USP31: variants seen among roughly 807,000 people sequenced by gnomAD.
USP31 encodes the protein ubiquitin carboxyl-terminal hydrolase 31.
In USP31, 44 loss-of-function variants were observed where a neutral mutation model predicts 119.4. That is an observed-to-expected ratio of 0.37 (90% CI 0.29 to 0.47). The LOEUF is 0.47. Among genes scored for constraint, USP31 ranks in the 20% least tolerant of loss-of-function variants. The pLI is 0.99. For synonymous variants in USP31, 749 were observed against 705.6 expected, an observed-to-expected ratio of 1.06 and a Z score of -0.97; for missense variants, 1,643 against 1,730.2, an observed-to-expected ratio of 0.95 and a Z score of 0.89.
intron 1 of USP31, among the ~76,000 whole-genome samples, chr16:23,130,822 C>T (rs1903007441): frequency 6.6e-6 from 1 of 152,198 alleles, no homozygotes; most frequent in Non-Finnish European, 1.5e-5. Flanking sequence ...ACATTTTTGG[C>T]AGATACATCA....
intron 1 of USP31, among the ~76,000 whole-genome samples, chr16:23,133,882 C>T (rs892071395): frequency 1.3e-5 from 2 of 152,110 alleles, no homozygotes; most frequent in Admixed American, 6.5e-5. Context: ...TCAAGGCCAG[C>T]CTGGGCAACA....
intron 5 of USP31, 27 bp from the exon 6 acceptor site, chr16:23,102,490 T>G (rs754916513): frequency 6.3e-7 from 1 of 1,592,696 alleles, no homozygotes; most frequent in Non-Finnish European, 8.5e-7. Context: ...TGTAAACAGG[T>G]GGGTAACTGG....
Position 23,080,015 on chromosome 16 carries a change from C to G in USP31, c.2107G>C (p.Glu703Gln). The change falls in exon 13 of 16, where the codon GAG becomes CAG. Residue 703 changes from glutamate to glutamine, a missense_variant. By Grantham distance (29) the Glu-to-Gln change is conservative (BLOSUM62 2). Coordinates refer to ENST00000219689, the MANE Select transcript of USP31 (RefSeq NM_020718.4). Reference protein sequence around the residue: ...RRPYGLGRDPEDYIYDLYAVC... With the variant: ...RRPYGLGRDPQDYIYDLYAVC... Reference sequence around the variant, plus strand: ...GCATACAGGTCATAGATGTAGTCCTCAGGGTCCCTCCCGAGTCCATAGGGC... The same window carrying G: ...GCATACAGGTCATAGATGTAGTCCTGAGGGTCCCTCCCGAGTCCATAGGGC... 1 of 1,614,116 alleles carries G rather than the reference C, an allele frequency of 6.2e-7. No homozygotes were observed. The highest frequency in any genetic ancestry group is 8.5e-7 in the Non-Finnish European group (1 of 1,180,024).
Position 23,067,815 on chromosome 16 carries a change from T to C in USP31, c.*231A>G. On this transcript the variant is annotated 3_prime_UTR_variant, in exon 16 of 16. Transcript: ENST00000219689. Reference sequence around the variant, plus strand: ...TCTACAATTATTCCAGTTAGCTTGGTGTCAATGTTTTGCCTATGGCTGTTA... The same window carrying C: ...TCTACAATTATTCCAGTTAGCTTGGCGTCAATGTTTTGCCTATGGCTGTTA... 2.1e-6 allele frequency: 1 copy of C among 471,056 alleles called. No homozygotes were observed. Among genetic ancestry groups the C allele is most frequent in the Non-Finnish European group, 3.7e-6 (1 of 272,256 alleles). 29.2% of individuals were successfully genotyped at this position (471,056 alleles called of 1,614,324 possible).
In USP31 at chr16:23,107,964, A is replaced by G. The variant is rs1044250017; in HGVS notation, c.771+82T>C. ...GAGCTTAGTCAATTTCATTGTATTA[A>G]CGCAATGCAACAAGTCCTCAGTAGA... On this transcript the variant is annotated intron_variant, in intron 2 of 15. Transcript: ENST00000219689. 4 of 1,484,228 alleles carry G rather than the reference A, an allele frequency of 2.7e-6. No individual in the cohort carries two copies. In the African/African-American group the frequency reaches 5.6e-5, roughly 21 times the overall value. 91.9% of individuals were successfully genotyped at this position (1,484,228 alleles called of 1,614,324 possible).
At chr16:23,081,328 C>A (rs1413285748) in intron 12 of USP31, among the ~76,000 whole-genome samples, 3 of 152,170 alleles carry the variant, frequency 2.0e-5, no homozygotes, top group Non-Finnish European at 4.4e-5. Context: ...CAGATCCCAA[C>A]GGAATACACA....
chr16:23,100,965 G>A (rs1005188909), intron 6 of USP31, among the ~76,000 whole-genome samples: 2 of 152,130 alleles, frequency 1.3e-5, no homozygotes, highest in Non-Finnish European at 2.9e-5. Flanking sequence ...GAGAGAAAAT[G>A]GAGTAGAGAG....
At chr16:23,123,640 A>T (rs1477244707) in intron 1 of USP31, among the ~76,000 whole-genome samples, 2 of 150,098 alleles carry the variant, frequency 1.3e-5, no homozygotes, top group Non-Finnish European at 2.9e-5. Flanking sequence ...ACTCTAACTC[A>T]GTTTAGTTAA....
At position 23,149,200 on chromosome 16, in the gene USP31, C is replaced by G. The variant is rs965285669; in HGVS notation, c.71G>C (p.Ser24Thr). ...GCGGCCGCTCCGAAACAGCCGCTTGCTGAAGGAGCGCTTCTCCTTCCCGCT... is the reference window on the plus strand; with the variant it reads ...GCGGCCGCTCCGAAACAGCCGCTTGGTGAAGGAGCGCTTCTCCTTCCCGCT... ...AASGKEKRSF[S>T]KRLFRSGRAG... is the part of the protein sequence containing the mutation. Residue 24 changes from serine (S) to threonine (T), a missense_variant, in exon 1 of 16, where the codon AGC (serine) becomes ACC (threonine). By Grantham distance (58) the Ser-to-Thr change is moderately conservative. This residue lies in a region of USP31 where 302 missense variants were observed against 262.6 expected (regional missense o/e 1.15). Coordinates refer to ENST00000219689, the MANE Select transcript of USP31 (RefSeq NM_020718.4). The G allele has an allele frequency of 6.9e-6, 8 of 1,156,440 alleles. No homozygotes were observed. Among genetic ancestry groups the G allele is most frequent in the Non-Finnish European group, 8.5e-6 (8 of 936,622 alleles). 71.6% of individuals were successfully genotyped at this position (1,156,440 alleles called of 1,614,324 possible).
intron 1 of USP31, among the ~76,000 whole-genome samples, chr16:23,118,830 G>A (rs945542859): frequency 1.3e-5 from 2 of 151,920 alleles, no homozygotes; most frequent in African/African-American, 4.8e-5. Flanking sequence ...CTTAATGGCT[G>A]GGTGCAGTGG....
chr16:23,108,378 C>T (rs555448906), intron 1 of USP31, among the ~76,000 whole-genome samples, 195 bp from the exon 2 acceptor site: 1 of 152,280 alleles, frequency 6.6e-6, no homozygotes, highest in East Asian at 1.9e-4. Context: ...CCTTAAAATA[C>T]ACTTAATCCA....
Position 23,087,954 on chromosome 16 carries a change from CAAAAT to C in USP31, c.1416-124_1416-120del, listed in dbSNP as rs932014881. On this transcript the variant is annotated intron_variant, in intron 7 of 15. Coordinates refer to ENST00000219689, the MANE Select transcript of USP31 (RefSeq NM_020718.4). ...ATATAATTGGCTTTAGGACAGTTCT[CAAAAT>C]AAAAGAAACAGGAAATTTAATGGTA... 4.5e-5 allele frequency: 35 copies of C among 785,164 alleles called. No homozygotes were observed. The African/African-American group carries it at 5.4e-4, about 12-fold the overall frequency. The allele number at this position is 785,164 out of a possible 1,614,324, so 48.6% of individuals were successfully genotyped here.
chr16:23,148,584 C>A lies in USP31; in HGVS notation c.633+54G>T, dbSNP rs1903600510. 4 of 1,409,906 alleles carry A rather than the reference C, an allele frequency of 2.8e-6. No individual in the cohort carries two copies. The Admixed American group carries it at 1.0e-4, about 36-fold the overall frequency. 87.3% of individuals were successfully genotyped at this position (1,409,906 alleles called of 1,614,324 possible). On this transcript the variant is annotated intron_variant, in intron 1 of 15. Transcript: ENST00000219689. ...CCGAGGGAAGGAAGACCTGGGCGGG[C>A]AGGTGCCCCAGGGGCTCGGGGTGCA...
chr16:23,101,037 G>A (rs12926271), intron 6 of USP31, among the ~76,000 whole-genome samples: 34,933 of 152,094 alleles, frequency 0.23, 4,793 homozygotes, highest in Admixed American at 0.31. Flanking sequence ...CTCCTTTCAA[G>A]GTGTTTAGAT....
At chr16:23,124,533 T>TA (rs1175362923) in intron 1 of USP31, among the ~76,000 whole-genome samples, 3 of 152,172 alleles carry the variant, frequency 2.0e-5, no homozygotes, top group African/African-American at 7.2e-5. Context: ...CATCCAGCAC[T>TA]AGAACACTGG....
At position 23,148,920 on chromosome 16, in the gene USP31, G is replaced by A. The variant is rs756228457; in HGVS notation, c.351C>T (p.Pro117=). ...CGGGCACCGGCTCGGCGGCGCAAGC[G>A]GGCGGCGCGGGAGAGGCGGGCGGCG... ...CPPPPASPAP[P]ACAAEPVPGV... The change falls in exon 1 of 16, where the codon CCC becomes CCT. Residue 117 remains proline, a synonymous_variant. Transcript: ENST00000219689. 5.7e-5 allele frequency: 74 copies of A among 1,309,540 alleles called. No homozygotes were observed. The highest frequency in any genetic ancestry group is 7.0e-5 in the Non-Finnish European group (72 of 1,023,180). 81.1% of individuals were successfully genotyped at this position (1,309,540 alleles called of 1,614,324 possible).
At chr16:23,097,688 G>T (rs147315363) in intron 6 of USP31, among the ~76,000 whole-genome samples, 3,779 of 152,254 alleles carry the variant, frequency 0.025, 58 homozygotes, top group African/African-American at 0.04. Context: ...ATCAATAAAT[G>T]TAATCCATCA....
chr16:23,124,114 T>C (rs1229061849), intron 1 of USP31, among the ~76,000 whole-genome samples: 1 of 152,046 alleles, frequency 6.6e-6, no homozygotes, highest in African/African-American at 2.4e-5. Flanking sequence ...GGAAATATCA[T>C]AGCAGAAATA....
rs761352713 is a variant in USP31, at chr16:23,068,575, T to C, written c.3530A>G (p.Asn1177Ser). 8.1e-6 allele frequency: 13 copies of C among 1,613,910 alleles called. No homozygotes were observed. Among genetic ancestry groups the C allele is most frequent in the Middle Eastern group, 1.6e-4 (1 of 6,084 alleles). ...TCGGGCCTGGCTCACCCGAGGGGAA[T>C]TGGGTTTGGAGGTGGAGGTGGCGCT... ...RASATSTSKP[N>S]SPRVSQARAG... The change falls in exon 16 of 16, where the codon AAT becomes AGT. Residue 1177 changes from asparagine (N) to serine (S), a missense_variant. Transcript: ENST00000219689.
Sources: allele counts gnomAD v4.1 joint callset (sites outside exome capture counted in the v4.1 genomes callset), GRCh38; gene constraint gnomAD v4.1.1; regional missense constraint gnomAD v4.1.1; transcripts MANE v1.5; gene names NCBI Gene and HGNC (gene_info 2026-07-23, HGNC 2026-07-21).